Variants in PKP4 observed in about 807,000 individuals in gnomAD.
PKP4 encodes the protein plakophilin-4.
Under a neutral mutation model 145.1 loss-of-function variants are expected in PKP4, and 90 were observed. The ratio of observed to expected loss-of-function variants is 0.62; its 90% CI spans 0.52 to 0.74. The LOEUF (loss-of-function observed/expected upper bound fraction) is 0.74. PKP4 is among the 30% of genes least tolerant of loss of function. The pLI, the probability that PKP4 is intolerant of heterozygous loss-of-function variation, is 0.00. For synonymous variants in PKP4, 563 were observed against 577.2 expected, an observed-to-expected ratio of 0.98 and a Z score of 0.35; for missense variants, 1,340 against 1,482.7, an observed-to-expected ratio of 0.90 and a Z score of 1.58.
chr2:158,548,262 TATACTC>T (rs1407636567), intron 2 of PKP4, among the ~76,000 whole-genome samples: 3 of 152,218 alleles, frequency 2.0e-5, no homozygotes, highest in African/African-American at 4.8e-5. Flanking sequence ...TTGGAACAGT[TATACTC>T]ATATTTATGA....
chr2:158,612,884 G>A (rs2051264497), intron 4 of PKP4, among the ~76,000 whole-genome samples: 1 of 152,118 alleles, frequency 6.6e-6, no homozygotes, highest in Non-Finnish European at 1.5e-5. Context: ...TTAGAATATA[G>A]TAAAAGTATC....
intron 1 of PKP4, among the ~76,000 whole-genome samples, chr2:158,503,965 C>CTTTTTTTT (rs59715903): frequency 3.5e-5 from 3 of 86,892 alleles, no homozygotes; most frequent in South Asian, 5.5e-4. Flanking sequence ...TAAATTCTGG[C>CTTTTTTTT]TTTTTTTTTT....
At chr2:158,650,274 T>C (rs988539817) in intron 11 of PKP4, among the ~76,000 whole-genome samples, 4 of 152,236 alleles carry the variant, frequency 2.6e-5, no homozygotes, top group African/African-American at 9.6e-5. Context: ...ATTGTAAGCT[T>C]ATTTATTTTC....
intron 1 of PKP4, among the ~76,000 whole-genome samples, chr2:158,528,649 A>G (rs1366400936): frequency 2.9e-5 from 4 of 136,510 alleles, no homozygotes; most frequent in Non-Finnish European, 6.3e-5. Context: ...AAAAAAAAAA[A>G]GAAAAGAAAC....
At chr2:158,653,669 C>G (rs1202717131) in intron 11 of PKP4, among the ~76,000 whole-genome samples, 2 of 152,224 alleles carry the variant, frequency 1.3e-5, no homozygotes, top group African/African-American at 4.8e-5. Context: ...AAACCTCAAG[C>G]TTCCTCAACC....
intron 2 of PKP4, among the ~76,000 whole-genome samples, chr2:158,550,714 A>T (rs189615882): frequency 1.3e-5 from 2 of 152,286 alleles, no homozygotes; most frequent in Non-Finnish European, 2.9e-5. Flanking sequence ...AGTGTTTGAA[A>T]CTTTTTATCA....
intron 1 of PKP4, among the ~76,000 whole-genome samples, chr2:158,522,389 G>A (rs2042456298): frequency 2.0e-5 from 3 of 152,196 alleles, no homozygotes; most frequent in African/African-American, 7.2e-5. Context: ...GTGGTCTGCA[G>A]CCTTGAGCAG....
Position 158,680,825 on chromosome 2 carries a change from T to TA in PKP4, c.*149dup. On this transcript the variant is annotated 3_prime_UTR_variant, in exon 22 of 22. Transcript: ENST00000389759. ...GTTTTTTTTTTCTTTTTTGAGGAAT[T>TA]ATCAGGGAAGTGAGGAAATGTTTGG... 1 of 725,372 alleles carries TA rather than the reference T, an allele frequency of 1.4e-6. No individual in the cohort carries two copies. Among genetic ancestry groups the TA allele is most frequent in the South Asian group, 2.0e-5 (1 of 50,232 alleles). The allele number at this position is 725,372 out of a possible 1,614,324, so 44.9% of individuals were successfully genotyped here.
chr2:158,541,305 A>G (rs897180357), intron 2 of PKP4, among the ~76,000 whole-genome samples: 11 of 152,102 alleles, frequency 7.2e-5, no homozygotes, highest in African/African-American at 2.7e-4. Flanking sequence ...TTTATATTTT[A>G]TGAATGTATT....
At position 158,634,346 on chromosome 2, in the gene PKP4, C is replaced by G. The variant is rs1053076512; in HGVS notation, c.1562+57C>G. 2.8e-6 allele frequency: 4 copies of G among 1,416,104 alleles called. No homozygotes were observed. In the African/African-American group the frequency reaches 5.6e-5, roughly 20 times the overall value. 87.7% of individuals were successfully genotyped at this position (1,416,104 alleles called of 1,614,324 possible). On this transcript the variant is annotated intron_variant, in intron 9 of 21. Coordinates refer to ENST00000389759, the MANE Select transcript of PKP4 (RefSeq NM_003628.6). ...ACAGTATTGCAGGAGTCAGCCAGTT[C>G]CTCCATTTTGACTTTTTTAAGTTGC...
intron 7 of PKP4, among the ~76,000 whole-genome samples, chr2:158,626,347 C>T (rs1176772256): frequency 6.6e-6 from 1 of 152,168 alleles, no homozygotes; most frequent in African/African-American, 2.4e-5. Flanking sequence ...CTTAAGAGCT[C>T]TACCTCATTC....
At chr2:158,671,529 C>T (rs1430857180) in intron 17 of PKP4, among the ~76,000 whole-genome samples, 1 of 152,166 alleles carries the variant, frequency 6.6e-6, no homozygotes, top group Non-Finnish European at 1.5e-5. Flanking sequence ...AATTGCTACC[C>T]AGTCTAATCT....
Position 158,663,382 on chromosome 2 carries a change from C to T in PKP4, c.2514C>T (p.Ser838=), listed in dbSNP as rs1341539988. The T allele has an allele frequency of 4.3e-6, 7 of 1,614,004 alleles. No homozygotes were observed. The Admixed American group carries it at 5.0e-5, about 12-fold the overall frequency. ...ATCTGACTCTTCTAGCAGAAAGTTC[C>T]AACCCAGCCACCTTGGAAGGCTCTG... ...KPYLTLLAES[S]NPATLEGSAG... is the part of the protein sequence containing the mutation. Residue 838 remains serine, a synonymous_variant, in exon 15 of 22, where the codon TCC becomes TCT. Coordinates refer to ENST00000389759, the MANE Select transcript of PKP4 (RefSeq NM_003628.6).
chr2:158,626,532 T>G (rs144782821), intron 7 of PKP4, among the ~76,000 whole-genome samples: 5 of 152,362 alleles, frequency 3.3e-5, no homozygotes, highest in African/African-American at 9.6e-5. Flanking sequence ...CCAGTAGAAT[T>G]GCTGCATCAA....
At chr2:158,610,861 G>A (rs544173635) in intron 4 of PKP4, among the ~76,000 whole-genome samples, 148 of 152,286 alleles carry the variant, frequency 9.7e-4, no homozygotes, top group Non-Finnish European at 8.7e-4. Context: ...GGAGCAGTCC[G>A]TCTTACAGGG....
intron 1 of PKP4, among the ~76,000 whole-genome samples, chr2:158,458,708 C>A (rs1689289817): frequency 6.6e-6 from 1 of 151,902 alleles, no homozygotes; most frequent in Admixed American, 6.6e-5. Flanking sequence ...AATTTTTTTC[C>A]CTCGTCATAC....
chr2:158,501,683 T>G (rs999399015), intron 1 of PKP4, among the ~76,000 whole-genome samples: 2 of 152,234 alleles, frequency 1.3e-5, no homozygotes, highest in African/African-American at 4.8e-5. Flanking sequence ...GAGGGAGATG[T>G]AAACGCCTCA....
At chr2:158,599,590 G>A (rs2050057497) in intron 3 of PKP4, among the ~76,000 whole-genome samples, 1 of 152,150 alleles carries the variant, frequency 6.6e-6, no homozygotes, top group Non-Finnish European at 1.5e-5. Context: ...CCTTTTCAGA[G>A]GGCTACTTTG....
intron 2 of PKP4, among the ~76,000 whole-genome samples, chr2:158,542,502 C>A (rs1559299141): frequency 6.6e-6 from 1 of 152,024 alleles, no homozygotes; most frequent in Non-Finnish European, 1.5e-5. Flanking sequence ...CAGAACTGGG[C>A]AAATGTGTTT....
Sources: allele counts gnomAD v4.1 joint callset (sites outside exome capture counted in the v4.1 genomes callset), GRCh38; gene constraint gnomAD v4.1.1; transcripts MANE v1.5; gene names NCBI Gene and HGNC (gene_info 2026-07-23, HGNC 2026-07-21).